Variants in ELOB observed in about 807,000 individuals in gnomAD.
ELOB encodes the protein elongin B.
In ELOB, 3 loss-of-function variants were observed where a neutral mutation model predicts 12.9. The observed-to-expected ratio is 0.23, with a 90% CI of 0.11 to 0.60. The LOEUF is 0.60. Among genes scored for constraint, ELOB ranks in the 20% least tolerant of loss-of-function variants. ELOB has a pLI of 0.89. For synonymous variants in ELOB, 84 were observed against 67.4 expected (o/e 1.25, Z -1.21); for missense variants, 126 against 159.2 (o/e 0.79, Z 1.12).
At position 2,771,818 on chromosome 16, in the gene ELOB, G is replaced by A. The variant is rs1402608949; in HGVS notation, c.*172C>T. The A allele has an allele frequency of 9.0e-6, 13 of 1,451,472 alleles. No individual in the cohort carries two copies. Among genetic ancestry groups the A allele is most frequent in the South Asian group, 2.9e-5 (2 of 68,326 alleles). The allele number at this position is 1,451,472 out of a possible 1,614,324, so 89.9% of individuals were successfully genotyped here. On this transcript the variant is annotated 3_prime_UTR_variant, in exon 4 of 4. Transcript: ENST00000409906. Reference sequence around the variant, plus strand: ...AGCAGCAGGCTGGGCCAAGTTCTCAGCCAGGGTCTCAGGATCTGGGAGACA... The same window carrying A: ...AGCAGCAGGCTGGGCCAAGTTCTCAACCAGGGTCTCAGGATCTGGGAGACA...
intron 2 of ELOB, 104 bp from the exon 3 acceptor site, chr16:2,775,660 C>G (rs749046381): frequency 7.3e-6 from 6 of 822,496 alleles, no homozygotes; most frequent in African/African-American, 1.7e-5. Flanking sequence ...AGAGAGAGTT[C>G]CCTCAGTGTG....
chr16:2,772,352 TCC>T, intron 3 of ELOB: 1 of 306,846 alleles, frequency 3.3e-6, no homozygotes, highest in Admixed American at 4.8e-5. Flanking sequence ...GGGGCCCCTT[TCC>T]TCATCTTCCA....
At chr16:2,775,854 T>A (rs559342440) in intron 2 of ELOB, among the ~76,000 whole-genome samples, 3 of 152,358 alleles carry the variant, frequency 2.0e-5, no homozygotes, top group African/African-American at 7.2e-5. Context: ...CAATCCCAGC[T>A]CTGTCACCCT....
chr16:2,776,803 C>A (rs375556258), intron 2 of ELOB, among the ~76,000 whole-genome samples, 190 bp downstream of exon 2: 12 of 152,360 alleles, frequency 7.9e-5, no homozygotes, highest in African/African-American at 2.9e-4. Context: ...GTCTAAACAT[C>A]GCCCCCGGAC....
At position 2,776,988 on chromosome 16, in the gene ELOB, C is replaced by A; in HGVS notation, c.138+5G>T. 6.4e-7 allele frequency: 1 copy of A among 1,570,630 alleles called. No homozygotes were observed. Among genetic ancestry groups the A allele is most frequent in the Non-Finnish European group, 8.6e-7 (1 of 1,159,986 alleles). ...CGCTCCCCTCGGCCCGCCCGCGGGA[C>A]CCACCTTGTACAGCCGCTGCTCGTC... is the stretch of plus-strand genomic sequence containing the variant. On this transcript the variant is annotated splice_donor_5th_base_variant and intron_variant, in intron 2 of 3. Transcript: ENST00000409906.
chr16:2,777,134 G>A lies in ELOB; in HGVS notation c.4-7C>T, dbSNP rs370072352. 57 of 1,515,830 alleles carry A rather than the reference G, an allele frequency of 3.8e-5. No individual in the cohort carries two copies. The highest frequency in any genetic ancestry group is 4.8e-5 in the Non-Finnish European group (54 of 1,127,834). The allele number at this position is 1,515,830 out of a possible 1,614,324, so 93.9% of individuals were successfully genotyped here. A position where few individuals can be genotyped will look rare whatever the true frequency, so the allele number is the denominator to read the frequency against. ...GGATCATGAGGAACACGTCCTGGGG[G>A]CGGCGGGCCGGCGTGAGCACGAAGC... On this transcript the variant is annotated splice_region_variant and splice_polypyrimidine_tract_variant and intron_variant, in intron 1 of 3. Transcript: ENST00000409906.
At position 2,777,069 on chromosome 16, in the gene ELOB, G is replaced by C. The variant is rs2068805737; in HGVS notation, c.62C>G (p.Ser21Cys). 6.2e-7 allele frequency: 1 copy of C among 1,604,494 alleles called. No individual in the cohort carries two copies. Among genetic ancestry groups the C allele is most frequent in the Admixed American group, 1.7e-5 (1 of 59,742 alleles). ...KTTIFTDAKE[S>C]STVFELKRIV... ...GCGCTTCAGTTCGAACACCGTGCTG[G>C]ACTCCTTGGCGTCCGTGAAGATGGT... is the stretch of plus-strand genomic sequence containing the variant. Residue 21 changes from serine to cysteine, a missense_variant, in exon 2 of 4, where the codon TCC (serine) becomes TGC (cysteine). Physicochemically the swap from Ser to Cys is moderately radical, Grantham distance 112. Transcript: ENST00000409906.
chr16:2,773,132 T>G, intron 3 of ELOB, among the ~76,000 whole-genome samples: 1 of 152,066 alleles, frequency 6.6e-6, no homozygotes, highest in East Asian at 1.9e-4. Context: ...ACCCACAGCT[T>G]TTCTCCTGTG....
chr16:2,775,670 G>C (rs1451999776), intron 2 of ELOB, 114 bp from the exon 3 acceptor site: 2 of 713,896 alleles, frequency 2.8e-6, no homozygotes, highest in East Asian at 5.5e-5. Context: ...CCCTCAGTGT[G>C]GCCCAGGACC....
At position 2,771,808 on chromosome 16, in the gene ELOB, C is replaced by A. The variant is rs1410441015; in HGVS notation, c.*182G>T. The A allele has an allele frequency of 6.9e-7, 1 of 1,451,906 alleles. No individual in the cohort carries two copies. Among genetic ancestry groups the A allele is most frequent in the Non-Finnish European group, 9.0e-7 (1 of 1,106,606 alleles). The allele number at this position is 1,451,906 out of a possible 1,614,324, so 89.9% of individuals were successfully genotyped here. On this transcript the variant is annotated 3_prime_UTR_variant, in exon 4 of 4. Coordinates refer to ENST00000409906, the MANE Select transcript of ELOB (RefSeq NM_007108.4). The stretch of plus-strand genomic sequence containing the variant: ...GGTGCCTTTAAGCAGCAGGCTGGGC[C>A]AAGTTCTCAGCCAGGGTCTCAGGAT...
rs775322104 is a variant in ELOB at position 2,772,113 on chromosome 16, A to G, written c.245-11T>C. ...CCTCAAAGGTGTCATCTGTGGAGGAAGCAGCAGAGCTGCAGGGGGGTATTC... is the reference window on the plus strand; with the variant it reads ...CCTCAAAGGTGTCATCTGTGGAGGAGGCAGCAGAGCTGCAGGGGGGTATTC... On this transcript the variant is annotated splice_polypyrimidine_tract_variant and intron_variant, in intron 3 of 3. Transcript: ENST00000409906. The G allele has an allele frequency of 6.1e-5, 97 of 1,592,424 alleles. No homozygotes were observed. The highest frequency in any genetic ancestry group is 7.5e-5 in the Non-Finnish European group (88 of 1,167,840).
Position 2,771,469 on chromosome 16 carries a change from TGATTA to T in ELOB, c.*516_*520del, listed in dbSNP as rs749903482. The T allele has an allele frequency of 1.3e-5, 21 of 1,614,096 alleles. No homozygotes were observed. In the South Asian group the frequency reaches 2.1e-4, roughly 16 times the overall value. ...TTAAGGGGGCAGCCACTTCCCTCCG[TGATTA>T]CAGCCCCCAGCGTGGGTGGACCTGT... is the stretch of plus-strand genomic sequence containing the variant. On this transcript the variant is annotated 3_prime_UTR_variant, in exon 4 of 4. Transcript: ENST00000409906.
chr16:2,776,180 A>C (rs943953481), intron 2 of ELOB, among the ~76,000 whole-genome samples: 2 of 152,208 alleles, frequency 1.3e-5, no homozygotes, highest in Non-Finnish European at 2.9e-5. Context: ...CTAAGTAGAC[A>C]TGTGGCACAC....
At chr16:2,775,373 T>G (rs2068792912) in intron 3 of ELOB, 78 bp downstream of exon 3, 1 of 1,039,530 alleles carries the variant, frequency 9.6e-7, no homozygotes, top group Non-Finnish European at 1.4e-6. Flanking sequence ...AACTCCAGGC[T>G]CCCTGATGAC....
Position 2,771,863 on chromosome 16 carries a change from A to G in ELOB, c.*127T>C. 6.8e-7 allele frequency: 1 copy of G among 1,464,842 alleles called. No individual in the cohort carries two copies. Among genetic ancestry groups the G allele is most frequent in the Non-Finnish European group, 9.0e-7 (1 of 1,108,468 alleles). The allele number at this position is 1,464,842 out of a possible 1,614,324, so 90.7% of individuals were successfully genotyped here. A position where few individuals can be genotyped will look rare whatever the true frequency, so the allele number is the denominator to read the frequency against. On this transcript the variant is annotated 3_prime_UTR_variant, in exon 4 of 4. Transcript: ENST00000409906. ...GAGACAGGACAGCACAGGAACTGCC[A>G]AGCACAAGCCCCAAAAGGAGCCCAC...
intron 3 of ELOB, among the ~76,000 whole-genome samples, chr16:2,772,819 C>G (rs557796790): frequency 6.6e-6 from 1 of 150,384 alleles, no homozygotes; most frequent in African/African-American, 2.5e-5. Context: ...GTCTCTCCCT[C>G]TGCTTCCCAC....
Position 2,771,823 on chromosome 16 carries a change from G to C in ELOB, c.*167C>G. On this transcript the variant is annotated 3_prime_UTR_variant, in exon 4 of 4. Coordinates refer to ENST00000409906, the MANE Select transcript of ELOB (RefSeq NM_007108.4). The stretch of plus-strand genomic sequence containing the variant: ...CAGGCTGGGCCAAGTTCTCAGCCAG[G>C]GTCTCAGGATCTGGGAGACAGGACA... 6.9e-7 allele frequency: 1 copy of C among 1,451,352 alleles called. No individual in the cohort carries two copies. Among genetic ancestry groups the C allele is most frequent in the South Asian group, 1.5e-5 (1 of 68,182 alleles). 89.9% of individuals were successfully genotyped at this position (1,451,352 alleles called of 1,614,324 possible). A position where few individuals can be genotyped will look rare whatever the true frequency, so the allele number is the denominator to read the frequency against.
At position 2,771,431 on chromosome 16, in the gene ELOB, TATTAA is replaced by T; in HGVS notation, c.*554_*558del. Reference sequence around the variant, plus strand: ...GCAGGAACTGGGTCTGTAGACTGTTTATTAAAGGTGTGTTAAGGGGGCAGCCACTT... The same window carrying T: ...GCAGGAACTGGGTCTGTAGACTGTTTAGGTGTGTTAAGGGGGCAGCCACTT... On this transcript the variant is annotated 3_prime_UTR_variant, in exon 4 of 4. Coordinates refer to ENST00000409906, the MANE Select transcript of ELOB (RefSeq NM_007108.4). The T allele has an allele frequency of 6.2e-7, 1 of 1,613,856 alleles. No individual in the cohort carries two copies. The highest frequency in any genetic ancestry group is 8.5e-7 in the Non-Finnish European group (1 of 1,179,814).
At chr16:2,776,230 C>T (rs1043790288) in intron 2 of ELOB, among the ~76,000 whole-genome samples, 15 of 152,158 alleles carry the variant, frequency 9.9e-5, no homozygotes, top group Non-Finnish European at 1.9e-4. Flanking sequence ...TTTGCTAAGT[C>T]CCAGTAGTTA....
Sources: allele counts gnomAD v4.1 joint callset (sites outside exome capture counted in the v4.1 genomes callset), GRCh38; gene constraint gnomAD v4.1.1; transcripts MANE v1.5; gene names NCBI Gene and HGNC (gene_info 2026-07-23, HGNC 2026-07-21).